ZSCAN5A: variants seen among roughly 807,000 people sequenced by gnomAD.
ZSCAN5A encodes zinc finger and SCAN domain containing 5A.
A neutral mutation model predicts 23.7 loss-of-function variants in ZSCAN5A; 12 were observed. The observed-to-expected ratio is 0.51, with a 90% CI of 0.32 to 0.82. The LOEUF is 0.82. Ranked by LOEUF, ZSCAN5A falls within the 40% of genes least tolerant of loss-of-function variation. The probability of loss-of-function intolerance (pLI) is 0.03; values close to 1 mark genes in which losing one functional copy is unlikely to be tolerated. For synonymous variants in ZSCAN5A, 257 were observed against 239.9 expected (o/e 1.07, Z -0.66); for missense variants, 597 against 617.9 (o/e 0.97, Z 0.36).
chr19:56,323,482 T>C (rs1346958008), intron 2 of ZSCAN5A, among the ~76,000 whole-genome samples: 1 of 151,716 alleles, frequency 6.6e-6, no homozygotes, highest in African/African-American at 2.4e-5. Flanking sequence ...CAAAAAAATA[T>C]GTTTGATCCC....
At chr19:56,256,604 C>T (rs924167162) in intron 2 of ZSCAN5A, among the ~76,000 whole-genome samples, 1 of 152,258 alleles carries the variant, frequency 6.6e-6, no homozygotes, top group African/African-American at 2.4e-5. Flanking sequence ...TCCACAGACA[C>T]GTATTTTAAG....
intron 2 of ZSCAN5A, among the ~76,000 whole-genome samples, chr19:56,277,077 C>G (rs2038320769): frequency 6.6e-6 from 1 of 152,130 alleles, no homozygotes; most frequent in African/African-American, 2.4e-5. Context: ...AATCAGAACC[C>G]TCATATGCTG....
rs138065226 is a variant in ZSCAN5A, at chr19:56,222,592, G to A, written c.738C>T (p.Pro246=). 52 of 1,614,090 alleles carry A rather than the reference G, an allele frequency of 3.2e-5. No homozygotes were observed. Among genetic ancestry groups the A allele is most frequent in the Non-Finnish European group, 4.2e-5 (50 of 1,179,998 alleles). Residue 246 remains proline (P), a splice_region_variant and synonymous_variant, in exon 5 of 6, where the codon CCC becomes CCT. Coordinates refer to ENST00000683990, the MANE Select transcript of ZSCAN5A (RefSeq NM_001322064.3). Reference sequence around the variant, plus strand: ...GTGGATCCAAGTCTTCATACTCACTGGGACTCTTTGGAAGCTGAGGCTCTG... The same window carrying A: ...GTGGATCCAAGTCTTCATACTCACTAGGACTCTTTGGAAGCTGAGGCTCTG... The part of the protein sequence containing the change: ...TSPEPQLPKS[P]TDLVRAKEGK...
At position 56,323,116 on chromosome 19, in the gene ZSCAN5A, G is replaced by A. The variant is rs1035215720; in HGVS notation, c.-357-6848C>T. Among the ~76,000 whole-genome samples the A allele has an allele frequency of 1.3e-4, 19 of 151,964 alleles. 1 individual carries two copies. The highest frequency in any genetic ancestry group is 1.0e-3 in the Admixed American group (16 of 15,268). ...TCACCTTGTTAGCCAGGATGGTCTC[G>A]ATCTCCTGATCTCATGATCCACCTG... On this transcript the variant is annotated intron_variant, in intron 2 of 6. Coordinates refer to the ZSCAN5A transcript ENST00000587340.
intron 2 of ZSCAN5A, chr19:56,320,205 T>C: frequency 1.6e-6 from 1 of 643,704 alleles, no homozygotes; most frequent in Non-Finnish European, 3.0e-6. Flanking sequence ...CTTATAATCA[T>C]CTCAATTCTG....
chr19:56,252,115 G>A (rs1339032191), intron 2 of ZSCAN5A, among the ~76,000 whole-genome samples: 1 of 152,218 alleles, frequency 6.6e-6, no homozygotes, highest in African/African-American at 2.4e-5. Flanking sequence ...AAATTTTAAA[G>A]AATGGAGCAG....
chr19:56,299,084 T>C (rs1265716491), intron 2 of ZSCAN5A, among the ~76,000 whole-genome samples: 1 of 152,182 alleles, frequency 6.6e-6, no homozygotes, highest in Non-Finnish European at 1.5e-5. Flanking sequence ...AACAAGCACA[T>C]TATCATTTCA....
chr19:56,334,397 A>T (rs1245529067), intron 2 of ZSCAN5A, among the ~76,000 whole-genome samples: 1 of 152,224 alleles, frequency 6.6e-6, no homozygotes, highest in Admixed American at 6.5e-5. Context: ...TATTATTTTT[A>T]AATTTTTTAT....
At chr19:56,275,880 GGAT>G (rs1432120352) in intron 2 of ZSCAN5A, among the ~76,000 whole-genome samples, 3 of 152,364 alleles carry the variant, frequency 2.0e-5, no homozygotes, top group Admixed American at 2.0e-4. Flanking sequence ...TTGGTTGGAT[GGAT>G]GATGAACGAA....
chr19:56,255,705 T>C (rs765056377), intron 2 of ZSCAN5A, among the ~76,000 whole-genome samples: 1 of 151,920 alleles, frequency 6.6e-6, no homozygotes, highest in African/African-American at 2.4e-5. Context: ...CCTGGACGGA[T>C]GAAAAACATG....
At chr19:56,255,612 T>A (rs2036641157) in intron 2 of ZSCAN5A, among the ~76,000 whole-genome samples, 1 of 147,962 alleles carries the variant, frequency 6.8e-6, no homozygotes, top group South Asian at 2.1e-4. Flanking sequence ...CCCTTTGGCT[T>A]TTTTTTTTTC....
chr19:56,321,222 G>C, intron 2 of ZSCAN5A: 2 of 670,580 alleles, frequency 3.0e-6, no homozygotes, highest in Admixed American at 3.9e-5. Context: ...TGAAGGACTT[G>C]GATGGTGTGT....
At position 56,224,993 on chromosome 19, in the gene ZSCAN5A, A is replaced by T. The variant is rs2033768539; in HGVS notation, c.54T>A (p.Pro18=). The part of the protein sequence containing the change: ...SWSLGESCNR[P]GLELPRSMAS... ...CCATAGACCGTGGCAGCTCCAACCC[A>T]GGTCTGTTGCAGGATTCTCCTAGAC... Residue 18 remains proline, a synonymous_variant, in exon 3 of 6, where the codon CCT becomes CCA. Transcript: ENST00000683990. 1.2e-6 allele frequency: 2 copies of T among 1,613,812 alleles called. No homozygotes were observed. Among genetic ancestry groups the T allele is most frequent in the East Asian group, 4.5e-5 (2 of 44,884 alleles).
At chr19:56,269,090 G>A (rs1448934989) in intron 2 of ZSCAN5A, among the ~76,000 whole-genome samples, 2 of 152,060 alleles carry the variant, frequency 1.3e-5, no homozygotes, top group Non-Finnish European at 2.9e-5. Flanking sequence ...GTGAACATTC[G>A]TGTGTGAATA....
At position 56,221,794 on chromosome 19, in the gene ZSCAN5A, C is replaced by T; in HGVS notation, c.1272G>A (p.Lys424=). ...TTCTCTTGTGACACTTCAAGTAGGA[C>T]TTCTGGGTGAACTGCTTCTGGCAGA... ...CDVCQKQFTQ[K]SYLKCHKRSH... is the part of the protein sequence containing the mutation. The change falls in exon 6 of 6, where the codon AAG becomes AAA. Residue 424 remains lysine, a synonymous_variant. Transcript: ENST00000683990. The T allele has an allele frequency of 6.2e-7, 1 of 1,614,026 alleles. No homozygotes were observed.
chr19:56,367,829 A>ATAACCTCACGGAGAATGGGCC (rs1259328593), intron 1 of ZSCAN5A: 1 of 152,218 alleles, frequency 6.6e-6, no homozygotes, highest in Non-Finnish European at 1.5e-5. Context: ...ATCAAATCAC[A>ATAACCTCACGGAGAATGGGCC]TAACCTCACG....
intron 2 of ZSCAN5A, chr19:56,320,316 C>T (rs892138900): frequency 1.0e-5 from 4 of 396,328 alleles, no homozygotes; most frequent in Admixed American, 7.2e-5. Flanking sequence ...CACCTGAGGT[C>T]AGGAGTTTGA....
intron 2 of ZSCAN5A, among the ~76,000 whole-genome samples, chr19:56,240,652 A>G (rs898978402): frequency 9.9e-5 from 15 of 151,978 alleles, no homozygotes; most frequent in African/African-American, 3.6e-4. Flanking sequence ...TTGTGAAAGC[A>G]TCGGGTCTCC....
intron 2 of ZSCAN5A, among the ~76,000 whole-genome samples, chr19:56,328,371 C>T (rs906330638): frequency 1.8e-4 from 28 of 152,008 alleles, no homozygotes; most frequent in Admixed American, 1.5e-3. Flanking sequence ...TGTGGCCAGG[C>T]GCAGTGGCTC....
Sources: gnomAD v4.1 joint callset for allele counts (sites outside exome capture counted in the v4.1 genomes callset) on GRCh38, gnomAD v4.1.1 for gene constraint, MANE v1.5 for transcripts, NCBI Gene and HGNC (gene_info 2026-07-23, HGNC 2026-07-21) for gene names.